The following SLC9A9 variants were observed in gnomAD, a reference collection of about 807,000 sequenced individuals.
SLC9A9 encodes sodium/hydrogen exchanger 9.
Under a neutral mutation model 77.8 loss-of-function variants are expected in SLC9A9, and 62 were observed. That is an observed-to-expected ratio of 0.80 (90% CI 0.65 to 0.98). The LOEUF is 0.98. Ranked by LOEUF, SLC9A9 falls within the 50% of genes least tolerant of loss-of-function variation. The probability of loss-of-function intolerance (pLI) is 0.00; values close to 1 mark genes in which losing one functional copy is unlikely to be tolerated. For synonymous variants in SLC9A9, 320 were observed against 283.5 expected, an observed-to-expected ratio of 1.13 and a Z score of -1.29; for missense variants, 775 against 774.9, an observed-to-expected ratio of 1.00 and a Z score of 0.00.
chr3:143,578,139 T>C lies in SLC9A9; in HGVS notation c.894+446A>G, dbSNP rs540028909. Among the ~76,000 whole-genome samples, 5 of 152,318 alleles carry C rather than the reference T, an allele frequency of 3.3e-5. No homozygotes were observed. In the South Asian group the frequency reaches 1.0e-3, roughly 32 times the overall value. ...TTTAGACCCACAGTGACCTCTGGCTTGAGCTACCCTGTAAGCTAGTGATTG... is the reference window on the plus strand; with the variant it reads ...TTTAGACCCACAGTGACCTCTGGCTCGAGCTACCCTGTAAGCTAGTGATTG... On this transcript the variant is annotated intron_variant, in intron 7 of 15. Transcript: ENST00000316549.
intron 14 of SLC9A9, among the ~76,000 whole-genome samples, chr3:143,346,377 G>C (rs1429754950): frequency 6.6e-6 from 1 of 152,202 alleles, no homozygotes; most frequent in Non-Finnish European, 1.5e-5. Context: ...CTAACTGCTA[G>C]AGAAAACTGA....
Position 143,266,292 on chromosome 3 carries a change from T to A in SLC9A9, c.*410A>T. The A allele has an allele frequency of 1.7e-6, 1 of 587,576 alleles. No individual in the cohort carries two copies. Among genetic ancestry groups the A allele is most frequent in the East Asian group, 2.8e-5 (1 of 35,296 alleles). 36.4% of individuals were successfully genotyped at this position (587,576 alleles called of 1,614,324 possible). On this transcript the variant is annotated 3_prime_UTR_variant, in exon 16 of 16. Transcript: ENST00000316549. Reference sequence around the variant, plus strand: ...TTCAGCTTAGGAGCAAAATGTTTACTCTCAGAAGCTTTCTTTTATTTTTAA... The same window carrying A: ...TTCAGCTTAGGAGCAAAATGTTTACACTCAGAAGCTTTCTTTTATTTTTAA...
At chr3:143,392,151 A>G (rs900730463) in intron 12 of SLC9A9, among the ~76,000 whole-genome samples, 24 of 152,226 alleles carry the variant, frequency 1.6e-4, no homozygotes, top group African/African-American at 4.8e-4. Context: ...CATAATTGTC[A>G]TATTCACCAA....
chr3:143,404,596 C>CT (rs1442852744), intron 12 of SLC9A9, among the ~76,000 whole-genome samples: 2 of 152,130 alleles, frequency 1.3e-5, no homozygotes, highest in Non-Finnish European at 2.9e-5. Context: ...CACACATACT[C>CT]TTTTTTCCCC....
At chr3:143,448,550 C>T (rs59466501) in intron 12 of SLC9A9, among the ~76,000 whole-genome samples, 72,720 of 151,600 alleles carry the variant, frequency 0.48, 17,978 homozygotes, top group African/African-American at 0.59. Flanking sequence ...AAGAAAACAA[C>T]TGGAAAGCCA....
chr3:143,514,210 A>AT (rs141077524), intron 9 of SLC9A9, among the ~76,000 whole-genome samples: 25,000 of 148,154 alleles, frequency 0.17, 2,467 homozygotes, highest in South Asian at 0.3. Context: ...TTTGAAAGGA[A>AT]CCTTTTTTTT....
intron 12 of SLC9A9, among the ~76,000 whole-genome samples, chr3:143,455,089 G>C (rs1377136460): frequency 6.6e-6 from 1 of 152,294 alleles, no homozygotes; most frequent in Admixed American, 6.5e-5. Context: ...TATCAGGATG[G>C]GGAGGGGCAG....
At chr3:143,394,351 C>A (rs1397076151) in intron 12 of SLC9A9, among the ~76,000 whole-genome samples, 1 of 152,098 alleles carries the variant, frequency 6.6e-6, no homozygotes, top group Non-Finnish European at 1.5e-5. Context: ...AAGACAAAAA[C>A]CATATGATTA....
chr3:143,752,765 T>C (rs1480070011), intron 4 of SLC9A9, among the ~76,000 whole-genome samples: 1 of 151,240 alleles, frequency 6.6e-6, no homozygotes, highest in Admixed American at 6.6e-5. Flanking sequence ...TAGCAGTAGG[T>C]AGAACATTGT....
At chr3:143,776,201 C>G (rs1344239800) in intron 4 of SLC9A9, among the ~76,000 whole-genome samples, 3 of 152,122 alleles carry the variant, frequency 2.0e-5, no homozygotes, top group Non-Finnish European at 4.4e-5. Context: ...AAAATATTGG[C>G]AGTTTGGCAA....
At position 143,270,325 on chromosome 3, in the gene SLC9A9, A is replaced by G. The variant is rs373104593; in HGVS notation, c.1605-1345T>C. Among the ~76,000 whole-genome samples the G allele has an allele frequency of 3.3e-5, 5 of 152,322 alleles. No homozygotes were observed. The South Asian group carries it at 6.2e-4, about 19-fold the overall frequency. On this transcript the variant is annotated intron_variant, in intron 14 of 15. Transcript: ENST00000316549. ...TTTATGTATGAAGGAATTGAGGCCT[A>G]GAGATATAATTTTAAATAATCCAAA...
At chr3:143,421,894 A>G (rs1261636734) in intron 12 of SLC9A9, among the ~76,000 whole-genome samples, 1 of 152,190 alleles carries the variant, frequency 6.6e-6, no homozygotes, top group Non-Finnish European at 1.5e-5. Context: ...CCAAACAAGC[A>G]AAAAACGAAT....
At chr3:143,350,302 A>G (rs1018898434) in intron 14 of SLC9A9, among the ~76,000 whole-genome samples, 6 of 152,202 alleles carry the variant, frequency 3.9e-5, no homozygotes, top group Admixed American at 2.6e-4. Context: ...TGCAACTACC[A>G]TAATTGAGGC....
intron 11 of SLC9A9, among the ~76,000 whole-genome samples, chr3:143,472,945 GGTTACCTCATCTAGATTTCT>G (rs2035403409): frequency 7.1e-6 from 1 of 141,650 alleles, no homozygotes; most frequent in Non-Finnish European, 1.6e-5. Flanking sequence ...ACCATAAGCA[GGTTACCTCATCTAGATTTCT>G]GTTACCTCAT....
In SLC9A9 at chr3:143,341,461, C is replaced by T. The variant is rs547221016; in HGVS notation, c.1604+22023G>A. 8.5e-5 allele frequency among the ~76,000 whole-genome samples: 13 copies of T among 152,170 alleles called. No individual in the cohort carries two copies. The East Asian group carries it at 2.5e-3, about 29-fold the overall frequency. Reference sequence around the variant, plus strand: ...TGTAAATTTAGACCAAGGGATGAAACGTGTTGGAGAACACCCTGCAATAAT... The same window carrying T: ...TGTAAATTTAGACCAAGGGATGAAATGTGTTGGAGAACACCCTGCAATAAT... On this transcript the variant is annotated intron_variant, in intron 14 of 15. Transcript: ENST00000316549.
At chr3:143,663,401 C>T (rs765699902) in intron 5 of SLC9A9, among the ~76,000 whole-genome samples, 17 of 152,178 alleles carry the variant, frequency 1.1e-4, no homozygotes, top group Non-Finnish European at 2.5e-4. Flanking sequence ...ATCAGAGCAC[C>T]TCTTCTCCTC....
intron 5 of SLC9A9, among the ~76,000 whole-genome samples, chr3:143,692,378 A>G (rs976925353): frequency 3.3e-5 from 5 of 152,142 alleles, no homozygotes; most frequent in African/African-American, 1.2e-4. Flanking sequence ...TGATTGTTTC[A>G]GGTCTTACAA....
intron 8 of SLC9A9, among the ~76,000 whole-genome samples, chr3:143,555,109 T>C (rs2036957686): frequency 6.6e-6 from 1 of 152,204 alleles, no homozygotes; most frequent in Admixed American, 6.5e-5. Context: ...TGGTAGGAGA[T>C]AATTGAATCA....
intron 14 of SLC9A9, chr3:143,346,903 C>A (rs2032296747): frequency 6.6e-6 from 1 of 152,130 alleles, no homozygotes; most frequent in Admixed American, 6.5e-5. Context: ...TCAAACTCTA[C>A]AAAATTTTTC....
Sources: allele counts gnomAD v4.1 joint callset (sites outside exome capture counted in the v4.1 genomes callset), GRCh38; gene constraint gnomAD v4.1.1; transcripts MANE v1.5; gene names NCBI Gene and HGNC (gene_info 2026-07-23, HGNC 2026-07-21).